Variants in BLCAP observed in about 807,000 individuals in gnomAD.
BLCAP encodes the protein apoptosis inducing factor BLCAP.
BLCAP carries 1 observed loss-of-function variant against 5.7 expected under a neutral mutation model. That is an observed-to-expected ratio of 0.18 (90% CI 0.06 to 0.83). BLCAP has a LOEUF of 0.83. BLCAP is among the 40% of genes least tolerant of loss of function. The probability of loss-of-function intolerance (pLI) is 0.71; values close to 1 mark genes in which losing one functional copy is unlikely to be tolerated. For missense variants in BLCAP, 66 were observed against 107.6 expected (o/e 0.61, Z 1.71); for synonymous variants, 48 against 49.4 (o/e 0.97, Z 0.11).
rs1461255187 is a variant in BLCAP at position 37,518,816 on chromosome 20, G to A, written c.*95C>T. 1.3e-6 allele frequency: 2 copies of A among 1,506,686 alleles called. No individual in the cohort carries two copies. The highest frequency in any genetic ancestry group is 4.5e-5 in the East Asian group (2 of 44,158). The allele number at this position is 1,506,686 out of a possible 1,614,324, so 93.3% of individuals were successfully genotyped here. ...GCGCCGTCAGGAATGTGACACCCGC[G>A]AGGCTGCGGGATTTGAAACTCCAAT... On this transcript the variant is annotated 3_prime_UTR_variant, in exon 2 of 2. Coordinates refer to ENST00000373537, the MANE Select transcript of BLCAP (RefSeq NM_006698.4).
At chr20:37,527,297 C>T (rs995710535) in intron 1 of BLCAP, among the ~76,000 whole-genome samples, 2 of 152,154 alleles carry the variant, frequency 1.3e-5, no homozygotes, top group African/African-American at 2.4e-5. Flanking sequence ...CAGCCTATCA[C>T]CCCAGACACC....
At position 37,522,235 on chromosome 20, in the gene BLCAP, A is replaced by G. The variant is rs191235002; in HGVS notation, c.-176-2885T>C. The stretch of plus-strand genomic sequence containing the variant: ...AAAAGAGGCAAAAGCGCTTGGTGTA[A>G]AAAGAGATAAATCAGAAGAAAGCGC... On this transcript the variant is annotated intron_variant, in intron 1 of 1. Transcript: ENST00000373537. 9.3e-6 allele frequency: 5 copies of G among 539,600 alleles called. No individual in the cohort carries two copies. The East Asian group carries it at 1.6e-4, about 17-fold the overall frequency. 33.4% of individuals were successfully genotyped at this position (539,600 alleles called of 1,614,324 possible).
chr20:37,518,763 TA>T lies in BLCAP; in HGVS notation c.*147del. The T allele has an allele frequency of 9.0e-7, 1 of 1,117,254 alleles. No individual in the cohort carries two copies. Among genetic ancestry groups the T allele is most frequent in the Non-Finnish European group, 1.3e-6 (1 of 787,362 alleles). The allele number at this position is 1,117,254 out of a possible 1,614,324, so 69.2% of individuals were successfully genotyped here. A position where few individuals can be genotyped will look rare whatever the true frequency, so the allele number is the denominator to read the frequency against. On this transcript the variant is annotated 3_prime_UTR_variant, in exon 2 of 2. Coordinates refer to ENST00000373537, the MANE Select transcript of BLCAP (RefSeq NM_006698.4). The stretch of plus-strand genomic sequence containing the variant: ...CCGGTCAGTGCCATTATTCACATTG[TA>T]AGGATAAAACATCACAGGCCAAAAA...
chr20:37,527,760 C>T (rs1431783900), intron 1 of BLCAP, 33 bp downstream of exon 1: 1 of 152,270 alleles, frequency 6.6e-6, no homozygotes, highest in Non-Finnish European at 1.5e-5. Flanking sequence ...GAGGGCCTCT[C>T]ATCCCGCCCC....
intron 1 of BLCAP, chr20:37,522,598 G>GGGGGGGGGGGGGGGCCCC: frequency 1.2e-6 from 1 of 864,444 alleles, no homozygotes; most frequent in Non-Finnish European, 1.7e-6. Flanking sequence ...GCGGGGGTGG[G>GGGGGGGGGGGGGGGCCCC]CACGGCAGCA....
intron 1 of BLCAP, among the ~76,000 whole-genome samples, chr20:37,525,764 C>A: frequency 6.6e-6 from 1 of 152,256 alleles, no homozygotes; most frequent in South Asian, 2.1e-4. Flanking sequence ...GAGAGCAATG[C>A]GAAGAATTGA....
intron 1 of BLCAP, among the ~76,000 whole-genome samples, chr20:37,524,189 C>A (rs1401203290): frequency 6.6e-6 from 1 of 152,130 alleles, no homozygotes; most frequent in African/African-American, 2.4e-5. Context: ...AGAGGTGCAG[C>A]GTGGCGCCTT....
intron 1 of BLCAP, chr20:37,523,250 AG>A (rs2071653769): frequency 6.5e-6 from 1 of 153,548 alleles, no homozygotes; most frequent in Admixed American, 6.5e-5. Context: ...TTGAGGAAGG[AG>A]GGTGGTTAAG....
Position 37,521,204 on chromosome 20 carries a change from T to C in BLCAP, c.-176-1854A>G, listed in dbSNP as rs1415061785. 2 of 920,766 alleles carry C rather than the reference T, an allele frequency of 2.2e-6. No homozygotes were observed. Among genetic ancestry groups the C allele is most frequent in the South Asian group, 1.4e-5 (1 of 70,822 alleles). 57.0% of individuals were successfully genotyped at this position (920,766 alleles called of 1,614,324 possible). A position where few individuals can be genotyped will look rare whatever the true frequency, so the allele number is the denominator to read the frequency against. On this transcript the variant is annotated intron_variant, in intron 1 of 1. Coordinates refer to ENST00000373537, the MANE Select transcript of BLCAP (RefSeq NM_006698.4). The surrounding 1 kb of genome is among the most constrained non-coding windows in gnomAD (Gnocchi z 4.5). ...CACCCCCCAAGGCGCGCATGCGCAC[T>C]TAGGTGGCGGGCGGGTACTTAAGGC...
At position 37,518,863 on chromosome 20, in the gene BLCAP, C is replaced by A; in HGVS notation, c.*48G>T. ...CAATGCTTTATGACCTATGTCAATG[C>A]CTCCCCTCCCGTCTTCTGCTTCCTT... On this transcript the variant is annotated 3_prime_UTR_variant, in exon 2 of 2. Coordinates refer to ENST00000373537, the MANE Select transcript of BLCAP (RefSeq NM_006698.4). The A allele has an allele frequency of 6.3e-7, 1 of 1,597,526 alleles. No homozygotes were observed. The highest frequency in any genetic ancestry group is 8.5e-7 in the Non-Finnish European group (1 of 1,172,624).
intron 1 of BLCAP, among the ~76,000 whole-genome samples, chr20:37,526,240 C>A (rs2071715911): frequency 6.6e-6 from 1 of 151,866 alleles, no homozygotes. Context: ...AGCCAACACC[C>A]CAAAGGGAGA....
chr20:37,517,746 T>C lies in BLCAP; in HGVS notation c.*1165A>G, dbSNP rs1802289. On this transcript the variant is annotated 3_prime_UTR_variant, in exon 2 of 2. Transcript: ENST00000373537. ...AAGTCTTCCTGGGTATTCTTCATAA[T>C]GTACAGTCTATATGCGCAGGAACGA... The C allele has an allele frequency of 0.99, 151,115 of 152,786 alleles. 74,756 individuals carry two copies. Among genetic ancestry groups the C allele is most frequent in the East Asian group, 1 (5,178 of 5,178 alleles). 9.5% of individuals were successfully genotyped at this position (152,786 alleles called of 1,614,324 possible). A position where few individuals can be genotyped will look rare whatever the true frequency, so the allele number is the denominator to read the frequency against.
chr20:37,526,271 T>TCCCCCCCCCCCCCCCCCCC (rs11477433), intron 1 of BLCAP, among the ~76,000 whole-genome samples: 73 of 125,270 alleles, frequency 5.8e-4, no homozygotes, highest in South Asian at 1.3e-3. Flanking sequence ...GCAGTTAACT[T>TCCCCCCCCCCCCCCCCCCC]CCCCCCCCCA....
At chr20:37,525,891 G>A (rs565598429) in intron 1 of BLCAP, among the ~76,000 whole-genome samples, 1 of 152,184 alleles carries the variant, frequency 6.6e-6, no homozygotes, top group Non-Finnish European at 1.5e-5. Context: ...AGAGCAGATC[G>A]GTTGGGAAGG....
At position 37,518,947 on chromosome 20, in the gene BLCAP, T is replaced by G; in HGVS notation, c.228A>C (p.Pro76=). The G allele has an allele frequency of 6.2e-7, 1 of 1,614,230 alleles. No individual in the cohort carries two copies. Among genetic ancestry groups the G allele is most frequent in the Non-Finnish European group, 8.5e-7 (1 of 1,180,038 alleles). The part of the protein sequence containing the change: ...FLYHCSDSPL[P]ESAHDPGVVG... ...CAACGCCGGGATCATGCGCCGATTCTGGAAGCGGGGAATCGGAGCAGTGGT... is the reference window on the plus strand; with the variant it reads ...CAACGCCGGGATCATGCGCCGATTCGGGAAGCGGGGAATCGGAGCAGTGGT... Residue 76 remains proline, a synonymous_variant, in exon 2 of 2, where the codon CCA becomes CCC. Transcript: ENST00000373537.
In BLCAP at chr20:37,521,198, G is replaced by A; in HGVS notation, c.-176-1848C>T. On this transcript the variant is annotated intron_variant, in intron 1 of 1. Coordinates refer to ENST00000373537, the MANE Select transcript of BLCAP (RefSeq NM_006698.4). This position sits in a 1 kb window ranked among gnomAD's most constrained non-coding sequence, Gnocchi z 4.5. ...CATAAACACCCCCCAAGGCGCGCATGCGCACTTAGGTGGCGGGCGGGTACT... is the reference window on the plus strand; with the variant it reads ...CATAAACACCCCCCAAGGCGCGCATACGCACTTAGGTGGCGGGCGGGTACT... 5 of 858,966 alleles carry A rather than the reference G, an allele frequency of 5.8e-6. No homozygotes were observed. Among genetic ancestry groups the A allele is most frequent in the Non-Finnish European group, 9.7e-6 (5 of 513,834 alleles). 53.2% of individuals were successfully genotyped at this position (858,966 alleles called of 1,614,324 possible).
chr20:37,521,558 C>T lies in BLCAP; in HGVS notation c.-176-2208G>A. The T allele has an allele frequency of 1.4e-6, 1 of 735,990 alleles. No individual in the cohort carries two copies. Among genetic ancestry groups the T allele is most frequent in the Non-Finnish European group, 2.3e-6 (1 of 434,158 alleles). 45.6% of individuals were successfully genotyped at this position (735,990 alleles called of 1,614,324 possible). Reference sequence around the variant, plus strand: ...TGCCGCTGCCGGCACCGCGCGCCCCCTGCCCATTCCCTGCGCCGTCCTCCT... The same window carrying T: ...TGCCGCTGCCGGCACCGCGCGCCCCTTGCCCATTCCCTGCGCCGTCCTCCT... On this transcript the variant is annotated intron_variant, in intron 1 of 1. Transcript: ENST00000373537. This position sits in a 1 kb window ranked among gnomAD's most constrained non-coding sequence, Gnocchi z 4.5.
At chr20:37,525,049 T>C (rs528052914) in intron 1 of BLCAP, among the ~76,000 whole-genome samples, 263 of 152,304 alleles carry the variant, frequency 1.7e-3, no homozygotes, top group South Asian at 3.3e-3. Flanking sequence ...GCTGCTACCA[T>C]AGCCTGAAGG....
At position 37,519,148 on chromosome 20, in the gene BLCAP, GGGCAGCAGCCACTGGA is replaced by G. The variant is rs1568682005; in HGVS notation, c.11_26del (p.Leu4ProfsTer85). The G allele has an allele frequency of 6.3e-7, 1 of 1,596,742 alleles. No individual in the cohort carries two copies. The highest frequency in any genetic ancestry group is 2.3e-5 in the East Asian group (1 of 44,160). On this transcript the variant is annotated frameshift_variant, in exon 2 of 2. Transcript: ENST00000373537. LOFTEE classifies it high-confidence loss of function. ...TGAGGGGCTTGGGGATGAGGAGGAC[GGGCAGCAGCCACTGGA>G]GGCAATACATGATCTCTGCCGGGCA...
Sources: gnomAD v4.1 joint callset for allele counts (sites outside exome capture counted in the v4.1 genomes callset) on GRCh38, gnomAD v4.1.1 for gene constraint, Gnocchi (gnomAD v3.1) non-coding constraint, MANE v1.5 for transcripts, NCBI Gene and HGNC (gene_info 2026-07-23, HGNC 2026-07-21) for gene names.